Variants in ANO3 observed in about 807,000 individuals in gnomAD.
ANO3 encodes anoctamin-3.
ANO3 carries 99 observed loss-of-function variants against 144.8 expected under a neutral mutation model. The observed-to-expected ratio is 0.68, with a 90% CI of 0.58 to 0.81. The LOEUF (loss-of-function observed/expected upper bound fraction) is 0.81. ANO3 is among the 30% of genes least tolerant of loss of function. The probability of loss-of-function intolerance (pLI) is 0.00; values close to 1 mark genes in which losing one functional copy is unlikely to be tolerated. For missense variants in ANO3, 905 were observed against 1,202.2 expected (o/e 0.75, Z 3.66); for synonymous variants, 414 against 392.6 (o/e 1.05, Z -0.64).
intron 1 of ANO3, among the ~76,000 whole-genome samples, chr11:26,215,355 C>G (rs574644021): frequency 6.6e-6 from 1 of 152,062 alleles, no homozygotes; most frequent in East Asian, 1.9e-4. Context: ...TAATACAATA[C>G]TGCTTTATTT....
chr11:26,281,933 A>G (rs895342198), intron 1 of ANO3, among the ~76,000 whole-genome samples: 1 of 152,196 alleles, frequency 6.6e-6, no homozygotes, highest in Non-Finnish European at 1.5e-5. Flanking sequence ...GTTCGTCTAT[A>G]CAACCATGTG....
intron 1 of ANO3, among the ~76,000 whole-genome samples, chr11:26,388,996 A>C (rs1456906493): frequency 1.3e-5 from 2 of 152,134 alleles, no homozygotes; most frequent in Non-Finnish European, 2.9e-5. Flanking sequence ...GAAAAGCCAA[A>C]TACTCAAGGC....
At chr11:26,247,361 CCA>C (rs1245474353) in intron 1 of ANO3, among the ~76,000 whole-genome samples, 7 of 152,164 alleles carry the variant, frequency 4.6e-5, no homozygotes, top group African/African-American at 1.7e-4. Flanking sequence ...CATTTCAATG[CCA>C]CTTTTATCAG....
At chr11:26,304,024 T>A (rs186700602) in intron 1 of ANO3, among the ~76,000 whole-genome samples, 121 of 152,314 alleles carry the variant, frequency 7.9e-4, no homozygotes, top group African/African-American at 2.9e-3. Context: ...AAATTATTTT[T>A]TTAAGTTTCT....
At chr11:26,397,186 T>TTCTCAGTACTTAAGC (rs1304820769) in intron 1 of ANO3, among the ~76,000 whole-genome samples, 22 of 152,106 alleles carry the variant, frequency 1.4e-4, no homozygotes, top group Admixed American at 5.9e-4. Context: ...GACATTTTAG[T>TTCTCAGTACTTAAGC]ACTCAGTACT....
At chr11:26,281,022 C>T (rs1007553218) in intron 1 of ANO3, among the ~76,000 whole-genome samples, 2 of 152,158 alleles carry the variant, frequency 1.3e-5, no homozygotes, top group Non-Finnish European at 2.9e-5. Flanking sequence ...TTATCCCCTG[C>T]ATTGGCACAC....
intron 14 of ANO3, among the ~76,000 whole-genome samples, chr11:26,573,456 A>G (rs182953667): frequency 2.0e-5 from 3 of 152,274 alleles, no homozygotes; most frequent in African/African-American, 7.2e-5. Context: ...CAGATTAGCC[A>G]CTTTTTAGGT....
chr11:26,432,309 G>T (rs116743612), intron 1 of ANO3, among the ~76,000 whole-genome samples: 3,287 of 152,198 alleles, frequency 0.022, 58 homozygotes, highest in African/African-American at 0.039. Flanking sequence ...CTGGATATTA[G>T]ATCTCTGTCA....
At chr11:26,434,677 CT>C (rs1336845413) in intron 1 of ANO3, among the ~76,000 whole-genome samples, 1 of 151,948 alleles carries the variant, frequency 6.6e-6, no homozygotes, top group Non-Finnish European at 1.5e-5. Flanking sequence ...CTTAATTTCA[CT>C]TACCTAAAAG....
At chr11:26,320,875 A>T (rs551333241) in intron 1 of ANO3, among the ~76,000 whole-genome samples, 1 of 152,168 alleles carries the variant, frequency 6.6e-6, no homozygotes, top group Non-Finnish European at 1.5e-5. Flanking sequence ...TCTTGATTTA[A>T]TCTAATTTAG....
intron 1 of ANO3, among the ~76,000 whole-genome samples, chr11:26,215,276 A>T (rs1852014547): frequency 1.3e-5 from 2 of 151,936 alleles, no homozygotes; most frequent in African/African-American, 4.8e-5. Context: ...ATTTTTCCTC[A>T]TTTGTTTATA....
intron 1 of ANO3, among the ~76,000 whole-genome samples, chr11:26,387,080 C>T (rs1197392289): frequency 6.8e-6 from 1 of 146,574 alleles, no homozygotes; most frequent in East Asian, 2.0e-4. Flanking sequence ...GGGTAAGAGA[C>T]AGAGAGAAAG....
At position 26,320,881 on chromosome 11, in the gene ANO3, T is replaced by C. The variant is rs1304144179; in HGVS notation, c.-3+11162T>C. On this transcript the variant is annotated intron_variant, in intron 1 of 26. Transcript: ENST00000525139. ...ATGTACATATCTTGATTTAATCTAATTTAGCTCTCTGTATTTTAGTAGAAA... is the reference window on the plus strand; with the variant it reads ...ATGTACATATCTTGATTTAATCTAACTTAGCTCTCTGTATTTTAGTAGAAA... Among the ~76,000 whole-genome samples, 3 of 152,272 alleles carry C rather than the reference T, an allele frequency of 2.0e-5. No homozygotes were observed. The South Asian group carries it at 6.2e-4, about 32-fold the overall frequency.
intron 1 of ANO3, among the ~76,000 whole-genome samples, chr11:26,237,896 G>A (rs1232915647): frequency 6.6e-6 from 1 of 152,008 alleles, no homozygotes; most frequent in Non-Finnish European, 1.5e-5. Flanking sequence ...AAGTGTTTAT[G>A]ACTGTCACAA....
At chr11:26,628,567 G>A (rs1004216619) in intron 18 of ANO3, among the ~76,000 whole-genome samples, 1 of 152,128 alleles carries the variant, frequency 6.6e-6, no homozygotes, top group Non-Finnish European at 1.5e-5. Flanking sequence ...TGAATGGCAC[G>A]GTGTTGAAAA....
At chr11:26,423,486 GATA>G (rs1857818572) in intron 1 of ANO3, among the ~76,000 whole-genome samples, 2 of 151,196 alleles carry the variant, frequency 1.3e-5, no homozygotes, top group South Asian at 4.2e-4. Context: ...AAAAATAATT[GATA>G]ATTATTTTGT....
chr11:26,210,135 T>C (rs1219378814), intron 1 of ANO3, among the ~76,000 whole-genome samples: 1 of 152,194 alleles, frequency 6.6e-6, no homozygotes, highest in Non-Finnish European at 1.5e-5. Context: ...TGTTTAAGCC[T>C]TTCATCTATC....
chr11:26,462,534 AT>A (rs1859443354), intron 3 of ANO3, among the ~76,000 whole-genome samples: 3 of 151,650 alleles, frequency 2.0e-5, no homozygotes, highest in Admixed American at 2.0e-4. Flanking sequence ...CAATCCCCTG[AT>A]TTTATGTTTC....
chr11:26,245,848 T>TA (rs1439123844), intron 1 of ANO3, among the ~76,000 whole-genome samples: 2 of 152,148 alleles, frequency 1.3e-5, no homozygotes, highest in Non-Finnish European at 2.9e-5. Context: ...TTGAAGAACA[T>TA]ACGATGGCCT....
Sources: allele counts gnomAD v4.1 joint callset (sites outside exome capture counted in the v4.1 genomes callset), GRCh38; gene constraint gnomAD v4.1.1; transcripts MANE v1.5; gene names NCBI Gene and HGNC (gene_info 2026-07-23, HGNC 2026-07-21).